The following PDE11A variants were observed in gnomAD, a reference collection of about 807,000 sequenced individuals.
The protein encoded by PDE11A is dual 3',5'-cyclic-AMP and -GMP phosphodiesterase 11A.
A neutral mutation model predicts 100.5 loss-of-function variants in PDE11A; 100 were observed. That is an observed-to-expected ratio of 1.00 (90% CI 0.85 to 1.18). The LOEUF (loss-of-function observed/expected upper bound fraction) is 1.18. PDE11A is among the 50% of genes most tolerant of loss of function. The pLI is 0.00. For synonymous variants in PDE11A, 381 were observed against 420.8 expected (o/e 0.91, Z 1.16); for missense variants, 1,141 against 1,152.6 (o/e 0.99, Z 0.15).
At chr2:178,008,877 C>A (rs1033122353) in intron 2 of PDE11A, among the ~76,000 whole-genome samples, 2 of 152,126 alleles carry the variant, frequency 1.3e-5, no homozygotes, top group African/African-American at 4.8e-5. Context: ...GCAGGGTAAC[C>A]AAACACTCTG....
chr2:177,784,963 T>G (rs1425201351), intron 9 of PDE11A, among the ~76,000 whole-genome samples: 1 of 152,224 alleles, frequency 6.6e-6, no homozygotes, highest in Non-Finnish European at 1.5e-5. Context: ...ATAGATTACC[T>G]ACAGCAATTC....
rs968635409 is a variant in PDE11A, at chr2:177,803,438, C to G, written c.1737+13391G>C. Among the ~76,000 whole-genome samples the G allele has an allele frequency of 5.9e-5, 9 of 151,878 alleles. No individual in the cohort carries two copies. In the East Asian group the frequency reaches 1.7e-3, roughly 29 times the overall value. On this transcript the variant is annotated intron_variant, in intron 9 of 19. Coordinates refer to ENST00000286063, the MANE Select transcript of PDE11A (RefSeq NM_016953.4). ...CAAAAAAATCAAAGAGGGAATTCTT[C>G]CTAACACTTTCTACAAGGCCAGTAT...
At chr2:177,662,423 T>G (rs2080496907) in intron 19 of PDE11A, among the ~76,000 whole-genome samples, 1 of 152,226 alleles carries the variant, frequency 6.6e-6, no homozygotes. Flanking sequence ...ATCCCATTTA[T>G]TGCCTAAGTG....
At chr2:177,680,687 C>T (rs1286120364) in intron 16 of PDE11A, 139 bp downstream of exon 16, 2 of 549,262 alleles carry the variant, frequency 3.6e-6, no homozygotes, top group Non-Finnish European at 6.5e-6. Context: ...AATTATTCAA[C>T]TGATCTCTGA....
At chr2:178,092,090 GTTTATA>G (rs1396433117) in intron 2 of PDE11A, among the ~76,000 whole-genome samples, 2 of 151,906 alleles carry the variant, frequency 1.3e-5, no homozygotes, top group African/African-American at 4.8e-5. Context: ...TTTAAGTATT[GTTTATA>G]ATAAAAAGCA....
chr2:177,709,571 G>A (rs1022352478), intron 13 of PDE11A, among the ~76,000 whole-genome samples: 2 of 152,206 alleles, frequency 1.3e-5, no homozygotes, highest in Admixed American at 1.3e-4. Flanking sequence ...GGGAATTATG[G>A]TTCAAAGAAA....
At chr2:177,642,641 G>C (rs1397542070) in intron 19 of PDE11A, among the ~76,000 whole-genome samples, 1 of 152,194 alleles carries the variant, frequency 6.6e-6, no homozygotes, top group African/African-American at 2.4e-5. Context: ...AAGGCTCAGA[G>C]AAAACTCTTT....
chr2:178,103,914 A>C (rs1000226456), intron 2 of PDE11A, among the ~76,000 whole-genome samples: 3 of 152,166 alleles, frequency 2.0e-5, no homozygotes, highest in Non-Finnish European at 4.4e-5. Context: ...AAACAAAAAA[A>C]CATGCTGAAT....
At chr2:177,954,984 T>C (rs2085544474) in intron 2 of PDE11A, among the ~76,000 whole-genome samples, 1 of 152,154 alleles carries the variant, frequency 6.6e-6, no homozygotes, top group Admixed American at 6.5e-5. Context: ...AAAAGCAATA[T>C]TCTCCTAACC....
intron 19 of PDE11A, among the ~76,000 whole-genome samples, chr2:177,651,758 A>C (rs2080312429): frequency 6.6e-6 from 1 of 152,158 alleles, no homozygotes; most frequent in Non-Finnish European, 1.5e-5. Context: ...TGATATATTG[A>C]ATCAAAGACT....
intron 10 of PDE11A, among the ~76,000 whole-genome samples, chr2:177,758,296 CAAAAAAAAAAAAA>C (rs78765770): frequency 0.14 from 9,370 of 65,314 alleles, 422 homozygotes; most frequent in Middle Eastern, 0.28. Flanking sequence ...GACTCCGTCT[CAAAAAAAAAAAAA>C]AAAAAAAAAA....
intron 4 of PDE11A, among the ~76,000 whole-genome samples, chr2:177,878,546 T>A (rs1372033118): frequency 1.3e-5 from 2 of 152,202 alleles, no homozygotes; most frequent in Non-Finnish European, 2.9e-5. Context: ...GAGGACATTT[T>A]CCTGCAAATG....
chr2:177,682,570 A>G (rs967902334), intron 15 of PDE11A, among the ~76,000 whole-genome samples: 11 of 152,218 alleles, frequency 7.2e-5, no homozygotes, highest in African/African-American at 2.2e-4. Context: ...TGAGAAAAGG[A>G]AAAAAAGAGG....
At chr2:177,881,902 T>A (rs1384115339) in intron 4 of PDE11A, among the ~76,000 whole-genome samples, 1 of 152,234 alleles carries the variant, frequency 6.6e-6, no homozygotes, top group East Asian at 1.9e-4. Flanking sequence ...CTAGGCCAGA[T>A]CAGTTATTTT....
In PDE11A at chr2:178,052,852, T is replaced by C. The variant is rs1290208495; in HGVS notation, c.912+18674A>G. ...CCCTGAATAGACCAATAACAAGCTCTGAAACTGAGGCAATAATTAAGAGCC... is the reference window on the plus strand; with the variant it reads ...CCCTGAATAGACCAATAACAAGCTCCGAAACTGAGGCAATAATTAAGAGCC... On this transcript the variant is annotated intron_variant, in intron 1 of 19. Coordinates refer to ENST00000286063, the MANE Select transcript of PDE11A (RefSeq NM_016953.4). Among the ~76,000 whole-genome samples the C allele has an allele frequency of 2.0e-5, 3 of 152,054 alleles. No individual in the cohort carries two copies. The East Asian group carries it at 5.8e-4, about 29-fold the overall frequency.
At chr2:177,966,657 T>C (rs1208196846) in intron 2 of PDE11A, among the ~76,000 whole-genome samples, 1 of 152,222 alleles carries the variant, frequency 6.6e-6, no homozygotes, top group Non-Finnish European at 1.5e-5. Flanking sequence ...GAATCACATT[T>C]ATTGATTTGC....
At chr2:177,681,326 C>G (rs2080860286) in intron 15 of PDE11A, among the ~76,000 whole-genome samples, 1 of 152,170 alleles carries the variant, frequency 6.6e-6, no homozygotes, top group African/African-American at 2.4e-5. Context: ...AAGATAAACT[C>G]CCTGGTAGTA....
At chr2:177,882,107 C>T (rs1197356519) in intron 4 of PDE11A, among the ~76,000 whole-genome samples, 1 of 152,150 alleles carries the variant, frequency 6.6e-6, no homozygotes, top group African/African-American at 2.4e-5. Flanking sequence ...GGGGACAGTT[C>T]CACTCCAATT....
intron 14 of PDE11A, among the ~76,000 whole-genome samples, chr2:177,699,900 T>C (rs1559149175): frequency 6.6e-6 from 1 of 152,242 alleles, no homozygotes. Context: ...GAGTGGGGTT[T>C]GTTTCCCTGA....
Sources: allele counts gnomAD v4.1 joint callset (sites outside exome capture counted in the v4.1 genomes callset), GRCh38; gene constraint gnomAD v4.1.1; transcripts MANE v1.5; gene names NCBI Gene and HGNC (gene_info 2026-07-23, HGNC 2026-07-21).